Variants in PCDHA7 observed in about 807,000 individuals in gnomAD.
The protein encoded by PCDHA7 is protocadherin alpha-7.
A neutral mutation model predicts 57.2 loss-of-function variants in PCDHA7; 37 were observed. The observed-to-expected ratio is 0.65, with a 90% CI of 0.50 to 0.85. The LOEUF (loss-of-function observed/expected upper bound fraction) is 0.85. Ranked by LOEUF, PCDHA7 falls within the 40% of genes least tolerant of loss-of-function variation. The pLI, the probability that PCDHA7 is intolerant of heterozygous loss-of-function variation, is 0.00. For missense variants in PCDHA7, 1,188 were observed against 1,241.8 expected (o/e 0.96, Z 0.65); for synonymous variants, 553 against 558.8 (o/e 0.99, Z 0.15).
At chr5:140,956,403 A>C (rs1475566345) in intron 1 of PCDHA7, among the ~76,000 whole-genome samples, 1 of 152,178 alleles carries the variant, frequency 6.6e-6, no homozygotes, top group African/African-American at 2.4e-5. Context: ...ATCCATTGAG[A>C]TAATCATGTG....
At chr5:140,846,491 C>T (rs1471835490) in intron 1 of PCDHA7, among the ~76,000 whole-genome samples, 1 of 146,532 alleles carries the variant, frequency 6.8e-6, no homozygotes, top group Non-Finnish European at 1.5e-5. Context: ...TCTCCTTCCT[C>T]AGCCTCCCAA....
intron 3 of PCDHA7, among the ~76,000 whole-genome samples, chr5:140,991,953 G>A (rs545142966): frequency 3.9e-5 from 6 of 152,110 alleles, no homozygotes; most frequent in Non-Finnish European, 8.8e-5. Context: ...TTAGAATGCA[G>A]TCATTTTGGT....
At chr5:140,969,235 A>G (rs781795606) in intron 1 of PCDHA7, 2 of 1,614,206 alleles carry the variant, frequency 1.2e-6, no homozygotes, top group Non-Finnish European at 1.7e-6. Flanking sequence ...CGGGAGCCCA[A>G]GCAGCAGTGA....
At chr5:140,890,854 T>C (rs1320462436) in intron 1 of PCDHA7, among the ~76,000 whole-genome samples, 1 of 152,232 alleles carries the variant, frequency 6.6e-6, no homozygotes, top group African/African-American at 2.4e-5. Context: ...TTTCTCTTCC[T>C]TACTTCTTGC....
intron 1 of PCDHA7, among the ~76,000 whole-genome samples, chr5:140,947,308 A>G (rs1554218155): frequency 1.3e-5 from 2 of 151,606 alleles, no homozygotes; most frequent in Non-Finnish European, 3.0e-5. Context: ...ACATCTTTGT[A>G]AAAAGTCGGT....
intron 1 of PCDHA7, 196 bp downstream of exon 1, chr5:140,836,934 A>G (rs904378131): frequency 1.9e-5 from 9 of 477,852 alleles, no homozygotes; most frequent in Non-Finnish European, 2.9e-5. Context: ...GCGTAATACT[A>G]TAGATCAAAA....
intron 3 of PCDHA7, among the ~76,000 whole-genome samples, chr5:141,004,676 G>C (rs1198896698): frequency 6.6e-6 from 1 of 152,168 alleles, no homozygotes; most frequent in Non-Finnish European, 1.5e-5. Context: ...AAGGACTGTG[G>C]AGTGGTGCTG....
intron 1 of PCDHA7, among the ~76,000 whole-genome samples, chr5:140,890,240 A>C (rs1554184230): frequency 6.6e-6 from 1 of 152,138 alleles, no homozygotes; most frequent in African/African-American, 2.4e-5. Flanking sequence ...AGCATTTACC[A>C]GTACACTACT....
intron 1 of PCDHA7, chr5:140,863,233 C>A (rs2047882202): frequency 1.6e-6 from 2 of 1,240,300 alleles, no homozygotes; most frequent in South Asian, 1.2e-5. Flanking sequence ...GGTCCCATCG[C>A]GGGCTTTGGC....
At chr5:140,937,869 G>A (rs1268422806) in intron 1 of PCDHA7, among the ~76,000 whole-genome samples, 1 of 150,376 alleles carries the variant, frequency 6.6e-6, no homozygotes, top group African/African-American at 2.5e-5. Flanking sequence ...CCGAGATCGC[G>A]CCACTGCACT....
At chr5:140,901,137 A>T (rs2068464747) in intron 1 of PCDHA7, among the ~76,000 whole-genome samples, 1 of 151,974 alleles carries the variant, frequency 6.6e-6, no homozygotes, top group South Asian at 2.1e-4. Flanking sequence ...TAGATTGTAA[A>T]TATTTTCTCT....
At chr5:140,870,643 G>T (rs782549928) in intron 1 of PCDHA7, 6 of 1,612,796 alleles carry the variant, frequency 3.7e-6, no homozygotes, top group Non-Finnish European at 5.1e-6. Flanking sequence ...CGCGGAGAGC[G>T]GCAAGGTGTA....
intron 1 of PCDHA7, 168 bp from the exon 2 acceptor site, chr5:140,978,781 A>G (rs4461687): frequency 4.1e-6 from 4 of 969,772 alleles, no homozygotes; most frequent in South Asian, 4.8e-5. Context: ...ATTTTCTTCT[A>G]AAGTGCTATA....
At chr5:140,993,668 A>G (rs551356894) in intron 3 of PCDHA7, among the ~76,000 whole-genome samples, 167 of 152,322 alleles carry the variant, frequency 1.1e-3, no homozygotes, top group African/African-American at 3.4e-3. Context: ...ACAATGGACC[A>G]CATATGTGAC....
Position 140,978,929 on chromosome 5 carries a change from C to T in PCDHA7, c.2356-20C>T. 6.2e-7 allele frequency: 1 copy of T among 1,613,998 alleles called. No homozygotes were observed. Among genetic ancestry groups the T allele is most frequent in the Non-Finnish European group, 8.5e-7 (1 of 1,179,996 alleles). On this transcript the variant is annotated intron_variant, in intron 1 of 3. Coordinates refer to ENST00000525929, the MANE Select transcript of PCDHA7 (RefSeq NM_018910.3). ...ATTGTCTTGTCATTTTAACAGAAAACTCTCTTTGTGATTTTGCAGCCACGA... is the reference window on the plus strand; with the variant it reads ...ATTGTCTTGTCATTTTAACAGAAAATTCTCTTTGTGATTTTGCAGCCACGA...
intron 1 of PCDHA7, chr5:140,871,003 C>T (rs782654281): frequency 1.2e-6 from 2 of 1,613,416 alleles, no homozygotes; most frequent in Non-Finnish European, 1.7e-6. Context: ...AAGCACAACG[C>T]GTGCCCTGGA....
intron 1 of PCDHA7, chr5:140,868,985 C>A: frequency 1.3e-6 from 2 of 1,500,940 alleles, no homozygotes; most frequent in Non-Finnish European, 1.8e-6. Context: ...ATACCGGATG[C>A]CACCGTTTAA....
intron 1 of PCDHA7, chr5:140,868,839 C>T (rs1442886604): frequency 4.6e-6 from 2 of 432,190 alleles, no homozygotes; most frequent in East Asian, 3.8e-5. Flanking sequence ...ACCCAAAACA[C>T]GTGAAATTCT....
intron 1 of PCDHA7, among the ~76,000 whole-genome samples, chr5:140,961,085 T>C (rs1406733516): frequency 1.3e-5 from 2 of 152,230 alleles, no homozygotes; most frequent in East Asian, 3.8e-4. Flanking sequence ...CAAGTAATTG[T>C]TGACTTTTTG....
Sources: gnomAD v4.1 joint callset for allele counts (sites outside exome capture counted in the v4.1 genomes callset) on GRCh38, gnomAD v4.1.1 for gene constraint, MANE v1.5 for transcripts, NCBI Gene and HGNC (gene_info 2026-07-23, HGNC 2026-07-21) for gene names.